UTY: variants seen among roughly 807,000 people sequenced by gnomAD.
UTY encodes the protein histone demethylase UTY.
Under a neutral mutation model 32.5 loss-of-function variants are expected in UTY, and 12 were observed. The observed-to-expected ratio is 0.37, with a 90% CI of 0.24 to 0.60. UTY has a LOEUF of 0.60. Ranked by LOEUF, UTY falls within the 20% of genes least tolerant of loss-of-function variation. UTY has a pLI of 0.69. For synonymous variants in UTY, 131 were observed against 103.4 expected (o/e 1.27, Z -1.62); for missense variants, 303 against 299.2 (o/e 1.01, Z -0.09).
rs770471410 is a variant in UTY at position 13,318,158 on chromosome Y, AAAT to A, written c.3276+5394_3276+5396del. On this transcript the variant is annotated intron_variant, in intron 21 of 29. Transcript: ENST00000545955. ...CTGGATAGCAGAGTGAAACTGTCTC[AAAT>A]AATAATAATAATAATAATAATAGTA... Among the ~76,000 whole-genome samples the A allele has an allele frequency of 4.8e-3, 113 of 23,750 alleles. No individual in the cohort carries two copies. In the East Asian group the frequency reaches 0.069, roughly 15 times the overall value. The allele number at this position is 23,750 out of a possible 37,273, so 63.7% of individuals were successfully genotyped here. A position where few individuals can be genotyped will look rare whatever the true frequency, so the allele number is the denominator to read the frequency against.
intron 6 of UTY, among the ~76,000 whole-genome samples, chrY:13,410,669 T>C (rs2070792956): frequency 3.1e-5 from 1 of 32,783 alleles, no homozygotes; most frequent in Non-Finnish European, 7.4e-5. Flanking sequence ...TCTCTCTCTT[T>C]GGTGGCAGAC....
At chrY:13,303,862 G>A in intron 24 of UTY, among the ~76,000 whole-genome samples, 1 of 33,381 alleles carries the variant, frequency 3.0e-5, no homozygotes, top group Non-Finnish European at 7.4e-5. Context: ...CATTTGTATT[G>A]TATTATTCAT....
At chrY:13,423,184 A>C (rs2072820288) in intron 4 of UTY, among the ~76,000 whole-genome samples, 1 of 33,333 alleles carries the variant, frequency 3.0e-5, no homozygotes, top group Admixed American at 2.7e-4. Flanking sequence ...CCACTAAAAA[A>C]ATCCTATTAC....
intron 8 of UTY, among the ~76,000 whole-genome samples, chrY:13,375,395 G>A (rs2065319768): frequency 6.0e-5 from 2 of 33,387 alleles, no homozygotes; most frequent in African/African-American, 2.3e-4. Context: ...TCTTAAATAA[G>A]TAAGCTAATG....
chrY:13,251,826 AACAT>A (rs2054179448), intron 28 of UTY, among the ~76,000 whole-genome samples: 1 of 33,683 alleles, frequency 3.0e-5, no homozygotes, highest in Non-Finnish European at 7.3e-5. Context: ...AACAAGAGAA[AACAT>A]GTCTTTCAAT....
At chrY:13,292,188 C>T in intron 27 of UTY, among the ~76,000 whole-genome samples, 1 of 32,829 alleles carries the variant, frequency 3.0e-5, no homozygotes, top group Non-Finnish European at 7.5e-5. Flanking sequence ...CGGTGGCTCA[C>T]ATCTGTAATT....
chrY:13,286,915 G>A, intron 27 of UTY: 1 of 382,121 alleles, frequency 2.6e-6, no homozygotes, highest in African/African-American at 6.5e-5. Flanking sequence ...CAGGTACAGA[G>A]GGCACGCTAT....
chrY:13,302,954 T>C lies in UTY; in HGVS notation c.3603A>G (p.Ile1201Met). 2.5e-6 allele frequency: 1 copy of C among 392,497 alleles called. No individual in the cohort carries two copies. Among genetic ancestry groups the C allele is most frequent in the East Asian group, 9.3e-5 (1 of 10,761 alleles). Residue 1201 changes from isoleucine (I) to methionine (M), a missense_variant, in exon 25 of 30, where the codon ATA (isoleucine) becomes ATG (methionine). Physicochemically the swap from Ile to Met is conservative, Grantham distance 10. Coordinates refer to ENST00000545955, the MANE Select transcript of UTY (RefSeq NM_001258249.2). ...ATTCACAATCTCCTGGACCAATATT[T>C]ATGTTAACAGAGCAGAAGTTGTTAT... is the stretch of plus-strand genomic sequence containing the variant. ...QENNNFCSVN[I>M]NIGPGDCEWF...
At chrY:13,356,889 TTA>T in intron 15 of UTY, among the ~76,000 whole-genome samples, 2 of 31,131 alleles carry the variant, frequency 6.4e-5, no homozygotes, top group South Asian at 1.5e-3. Flanking sequence ...GTTAAATGTA[TTA>T]TGGGGAAATA....
intron 4 of UTY, among the ~76,000 whole-genome samples, chrY:13,416,585 C>T: frequency 5.9e-5 from 2 of 33,706 alleles, no homozygotes; most frequent in African/African-American, 2.3e-4. Context: ...CTGTGCCAGA[C>T]ATTAAGACAA....
chrY:13,420,519 C>T, intron 4 of UTY, among the ~76,000 whole-genome samples: 1 of 33,233 alleles, frequency 3.0e-5, no homozygotes, highest in Non-Finnish European at 7.4e-5. Flanking sequence ...GAAAAGACTC[C>T]CTAGTCAATA....
chrY:13,316,143 G>A, intron 21 of UTY, among the ~76,000 whole-genome samples: 1 of 32,873 alleles, frequency 3.0e-5, no homozygotes, highest in Non-Finnish European at 7.5e-5. Flanking sequence ...GAGTGGAGGT[G>A]CCTCTGACCT....
intron 4 of UTY, among the ~76,000 whole-genome samples, chrY:13,418,177 G>C: frequency 3.7e-5 from 1 of 27,055 alleles, no homozygotes; most frequent in Non-Finnish European, 8.4e-5. Flanking sequence ...TTTTGTCCTT[G>C]CGATAGTTTG....
chrY:13,259,199 G>C, intron 28 of UTY, among the ~76,000 whole-genome samples: 1 of 34,320 alleles, frequency 2.9e-5, no homozygotes, highest in Admixed American at 2.6e-4. Flanking sequence ...GCTAATGACT[G>C]GCTTGCTGTT....
In UTY at chrY:13,321,363, A is replaced by G. The variant is rs367687811; in HGVS notation, c.3276+2192T>C. 1.2e-4 allele frequency among the ~76,000 whole-genome samples: 4 copies of G among 33,232 alleles called. No homozygotes were observed. The East Asian group carries it at 3.1e-3, about 26-fold the overall frequency. The allele number at this position is 33,232 out of a possible 37,273, so 89.2% of individuals were successfully genotyped here. On this transcript the variant is annotated intron_variant, in intron 21 of 29. Coordinates refer to ENST00000545955, the MANE Select transcript of UTY (RefSeq NM_001258249.2). ...AGACAAAACCTGACACCAGAGACTCATTTTCTTCTGAAATGCTTTCTCCAA... is the reference window on the plus strand; with the variant it reads ...AGACAAAACCTGACACCAGAGACTCGTTTTCTTCTGAAATGCTTTCTCCAA...
chrY:13,475,245 A>T, intron 2 of UTY, among the ~76,000 whole-genome samples: 1 of 33,967 alleles, frequency 2.9e-5, no homozygotes, highest in South Asian at 6.5e-4. Flanking sequence ...CCTTCATAAA[A>T]GTTTTCCATT....
chrY:13,314,074 G>C, intron 21 of UTY, among the ~76,000 whole-genome samples: 1 of 33,134 alleles, frequency 3.0e-5, no homozygotes, highest in African/African-American at 1.2e-4. Context: ...ACTTATTGTG[G>C]GGTACTATGT....
intron 3 of UTY, among the ~76,000 whole-genome samples, chrY:13,462,817 T>C (rs2077492210): frequency 6.4e-5 from 2 of 31,039 alleles, no homozygotes; most frequent in Non-Finnish European, 1.5e-4. Flanking sequence ...TTCTGGTTCA[T>C]TGGTAATTCT....
At position 13,324,221 on chromosome Y, in the gene UTY, T is replaced by TC. The variant is rs2060039684; in HGVS notation, c.3070+379_3070+380insG. Among the ~76,000 whole-genome samples, 3 of 32,318 alleles carry TC rather than the reference T, an allele frequency of 9.3e-5. No individual in the cohort carries two copies. In the South Asian group the frequency reaches 2.1e-3, roughly 23 times the overall value. 86.7% of individuals were successfully genotyped at this position (32,318 alleles called of 37,273 possible). ...CTTCAAGTGCTTTCTCCAAAAGTTT[T>TC]TTTTTTTTTAAAAAGGGGAAATGTG... On this transcript the variant is annotated intron_variant, in intron 20 of 29. Coordinates refer to ENST00000545955, the MANE Select transcript of UTY (RefSeq NM_001258249.2).
Sources: gnomAD v4.1 joint callset for allele counts (sites outside exome capture counted in the v4.1 genomes callset) on GRCh38, gnomAD v4.1.1 for gene constraint, MANE v1.5 for transcripts, NCBI Gene and HGNC (gene_info 2026-07-23, HGNC 2026-07-21) for gene names.